Variants in RASGRP3 observed in about 807,000 individuals in gnomAD.
RASGRP3 encodes the protein RAS guanyl releasing protein 3.
RASGRP3 carries 54 observed loss-of-function variants against 82.7 expected under a neutral mutation model. The ratio of observed to expected loss-of-function variants is 0.65; its 90% confidence interval spans 0.52 to 0.82. The LOEUF is 0.82. Among genes scored for constraint, RASGRP3 ranks in the 40% least tolerant of loss-of-function variants. RASGRP3 has a pLI of 0.00. For synonymous variants in RASGRP3, 309 were observed against 300.5 expected, an observed-to-expected ratio of 1.03 and a Z score of -0.29; for missense variants, 861 against 828.9, an observed-to-expected ratio of 1.04 and a Z score of -0.48.
chr2:33,471,573 A>G lies in RASGRP3; in HGVS notation c.-261+23630A>G, dbSNP rs144180205. Among the ~76,000 whole-genome samples the G allele has an allele frequency of 3.8e-3, 572 of 151,646 alleles. 1 individual carries two copies. Among genetic ancestry groups the G allele is most frequent in the African/African-American group, 0.013 (543 of 41,380 alleles). ...TGCTTTATCAGTTTTTTTTTTTAAG[A>G]CAGGGTATTATGTTAGCTTTCTGTT... On this transcript the variant is annotated intron_variant, in intron 2 of 18. Transcript: ENST00000402538.
intron 13 of RASGRP3, among the ~76,000 whole-genome samples, chr2:33,545,773 C>G (rs896673754): frequency 7.7e-5 from 11 of 142,286 alleles, no homozygotes; most frequent in African/African-American, 3.0e-4. Context: ...TGAGATATCA[C>G]CTCACACCAG....
intron 10 of RASGRP3, chr2:33,534,008 T>A: frequency 3.2e-6 from 1 of 309,204 alleles, no homozygotes; most frequent in Non-Finnish European, 6.0e-6. Context: ...ATTGTTTGCA[T>A]CTGTCCCCAC....
intron 1 of RASGRP3, among the ~76,000 whole-genome samples, chr2:33,446,464 G>C (rs1259964155): frequency 6.9e-6 from 1 of 144,392 alleles, no homozygotes; most frequent in African/African-American, 2.6e-5. Context: ...GGCCCAAGTA[G>C]GGCAATTTTT....
At chr2:33,529,356 G>C (rs925765514) in intron 10 of RASGRP3, among the ~76,000 whole-genome samples, 1 of 151,654 alleles carries the variant, frequency 6.6e-6, no homozygotes, top group South Asian at 2.1e-4. Context: ...TTAGCTTGGC[G>C]TGGTGGCAGG....
At chr2:33,549,846 C>T in intron 14 of RASGRP3, 95 bp downstream of exon 14, 1 of 1,376,422 alleles carries the variant, frequency 7.3e-7, no homozygotes, top group East Asian at 2.4e-5. Flanking sequence ...AGTTCACTGT[C>T]TGCTTTGAAT....
At chr2:33,518,879 G>GGTC (rs1553351846) in intron 4 of RASGRP3, among the ~76,000 whole-genome samples, 1 of 103,374 alleles carries the variant, frequency 9.7e-6, no homozygotes, top group Non-Finnish European at 2.5e-5. Context: ...GCATGGAGCT[G>GGTC]GTCATCTCCT....
At chr2:33,474,818 C>G (rs76884883), upstream of RASGRP3, among the ~76,000 whole-genome samples, 16 of 152,278 alleles carry the variant, frequency 1.1e-4, 1 homozygote, top group South Asian at 3.3e-3. Flanking sequence ...TATAAATTAC[C>G]CAGTCTCAAG....
chr2:33,453,763 C>T (rs1665911336), intron 2 of RASGRP3, among the ~76,000 whole-genome samples: 1 of 152,134 alleles, frequency 6.6e-6, no homozygotes. Flanking sequence ...CATGTATATG[C>T]CAAAATAATG....
At chr2:33,507,850 T>C (rs1670540108) in intron 1 of RASGRP3, among the ~76,000 whole-genome samples, 2 of 152,206 alleles carry the variant, frequency 1.3e-5, no homozygotes, top group African/African-American at 4.8e-5. Flanking sequence ...TAAAAGATTC[T>C]TTCAGCTGCA....
At chr2:33,556,712 C>G (rs1455106874) in intron 15 of RASGRP3, among the ~76,000 whole-genome samples, 1 of 152,070 alleles carries the variant, frequency 6.6e-6, no homozygotes. Context: ...AAAAGCTTCC[C>G]AAATCTCAAT....
intron 1 of RASGRP3, among the ~76,000 whole-genome samples, chr2:33,477,619 C>T (rs1228537402): frequency 2.0e-5 from 3 of 152,170 alleles, no homozygotes; most frequent in African/African-American, 7.2e-5. Context: ...TGCGCTTGGG[C>T]GAGCAGCAAA....
At chr2:33,439,223 G>C (rs1665090001) in intron 1 of RASGRP3, among the ~76,000 whole-genome samples, 1 of 152,084 alleles carries the variant, frequency 6.6e-6, no homozygotes. Flanking sequence ...TCAATGTTAA[G>C]TTGAAAAAAG....
At chr2:33,442,532 T>C (rs961302929) in intron 1 of RASGRP3, among the ~76,000 whole-genome samples, 4 of 152,238 alleles carry the variant, frequency 2.6e-5, no homozygotes, top group African/African-American at 7.2e-5. Context: ...GCTGACAATA[T>C]GTTCATGCTA....
chr2:33,562,474 T>G (rs1659961913), intron 17 of RASGRP3, among the ~76,000 whole-genome samples: 1 of 152,002 alleles, frequency 6.6e-6, no homozygotes, highest in African/African-American at 2.4e-5. Context: ...TCTTGCTATA[T>G]TTACCAGGCT....
chr2:33,533,882 CT>C (rs1673338679), intron 10 of RASGRP3: 1 of 158,122 alleles, frequency 6.3e-6, no homozygotes. Flanking sequence ...ATCAGCTTGC[CT>C]CACTAGGACT....
intron 1 of RASGRP3, among the ~76,000 whole-genome samples, chr2:33,506,998 TAGAA>T (rs748316438): frequency 7.9e-5 from 12 of 151,888 alleles, no homozygotes; most frequent in Non-Finnish European, 1.8e-4. Flanking sequence ...GAAAATAAAA[TAGAA>T]AGAAAAATTC....
chr2:33,537,320 A>ACACACCCCCCC (rs771052774), intron 11 of RASGRP3, among the ~76,000 whole-genome samples: 3 of 33,322 alleles, frequency 9.0e-5, no homozygotes, highest in Non-Finnish European at 1.7e-4. Context: ...ACACACACAC[A>ACACACCCCCCC]CCGCCCCCCC....
At chr2:33,497,472 T>TC in intron 1 of RASGRP3, among the ~76,000 whole-genome samples, 1 of 152,324 alleles carries the variant, frequency 6.6e-6, no homozygotes, top group African/African-American at 2.4e-5. Flanking sequence ...GACTAGTAGA[T>TC]CTGTTAGCAA....
At chr2:33,527,901 G>C (rs917240111) in intron 10 of RASGRP3, among the ~76,000 whole-genome samples, 1 of 152,184 alleles carries the variant, frequency 6.6e-6, no homozygotes, top group Non-Finnish European at 1.5e-5. Context: ...GGTTCTTGAA[G>C]ACTCAGTCTC....
Sources: gnomAD v4.1 joint callset for allele counts (sites outside exome capture counted in the v4.1 genomes callset) on GRCh38, gnomAD v4.1.1 for gene constraint, MANE v1.5 for transcripts, NCBI Gene and HGNC (gene_info 2026-07-23, HGNC 2026-07-21) for gene names.